The following FAM174B variants were observed in gnomAD, a reference collection of about 807,000 sequenced individuals.
The protein encoded by FAM174B is family with sequence similarity 174 member B.
A neutral mutation model predicts 10.9 loss-of-function variants in FAM174B; 12 were observed. That is an observed-to-expected ratio of 1.10 (90% CI 0.71 to 1.79). FAM174B has a LOEUF of 1.79. Among genes scored for constraint, FAM174B ranks in the 40% most tolerant of loss-of-function variants. FAM174B has a pLI of 0.00. For missense variants in FAM174B, 266 were observed against 233.3 expected, an observed-to-expected ratio of 1.14 and a Z score of -0.91; for synonymous variants, 132 against 115.8, an observed-to-expected ratio of 1.14 and a Z score of -0.90.
At chr15:92,639,551 G>A (rs2050876792) in intron 1 of FAM174B, among the ~76,000 whole-genome samples, 2 of 152,314 alleles carry the variant, frequency 1.3e-5, no homozygotes, top group African/African-American at 4.8e-5. Flanking sequence ...AACACAGTGT[G>A]ATAAGGTTTG....
rs923013849 is a variant in FAM174B at position 92,619,414 on chromosome 15, G to A, written c.*42C>T. 2 of 1,613,746 alleles carry A rather than the reference G, an allele frequency of 1.2e-6. No individual in the cohort carries two copies. Among genetic ancestry groups the A allele is most frequent in the Non-Finnish European group, 1.7e-6 (2 of 1,179,688 alleles). ...GTCCTTCACACCCCAGGTTGCAGCTGACCAACTTTCCACAGGATGCCACCA... is the reference window on the plus strand; with the variant it reads ...GTCCTTCACACCCCAGGTTGCAGCTAACCAACTTTCCACAGGATGCCACCA... On this transcript the variant is annotated 3_prime_UTR_variant, in exon 3 of 3. Coordinates refer to ENST00000327355, the MANE Select transcript of FAM174B (RefSeq NM_207446.3).
rs767833285 is a variant in FAM174B, at chr15:92,655,574, G to A, written c.86C>T (p.Ala29Val). The change falls in exon 1 of 3, where the codon GCC (alanine) becomes GTC (valine). Residue 29 changes from alanine to valine, a missense_variant. By Grantham distance (64) the Ala-to-Val change is moderately conservative. Coordinates refer to ENST00000327355, the MANE Select transcript of FAM174B (RefSeq NM_207446.3). ...GGGCCACGGCGCGGAGACGGACTCG[G>A]CTCTGCTGGCGCGGGCGGCGGGAGC... ...LAAPAARASR[A>V]ESVSAPWPEP... 1 of 1,343,542 alleles carries A rather than the reference G, an allele frequency of 7.4e-7. No individual in the cohort carries two copies. 83.2% of individuals were successfully genotyped at this position (1,343,542 alleles called of 1,614,324 possible).
chr15:92,653,957 T>C (rs2050984014), intron 1 of FAM174B, among the ~76,000 whole-genome samples: 3 of 151,602 alleles, frequency 2.0e-5, no homozygotes. Context: ...AAACAGAGGA[T>C]TGAGGCCAGT....
chr15:92,636,989 G>A (rs2050860174), intron 1 of FAM174B, among the ~76,000 whole-genome samples: 1 of 152,226 alleles, frequency 6.6e-6, no homozygotes, highest in African/African-American at 2.4e-5. Flanking sequence ...CAGGTGTGCT[G>A]GTTTGCAGCC....
rs139226830 is a variant in FAM174B at position 92,646,301 on chromosome 15, T to C, written c.344+9015A>G. 2.5e-3 allele frequency among the ~76,000 whole-genome samples: 380 copies of C among 152,250 alleles called. 2 individuals are homozygous for C. Among genetic ancestry groups the C allele is most frequent in the African/African-American group, 8.3e-3 (345 of 41,556 alleles). ...CTCCTCTCACCCACTACAAATCTCC[T>C]AGTCCTCCAGCTGGAATTGGCTTCC... is the stretch of plus-strand genomic sequence containing the variant. On this transcript the variant is annotated intron_variant, in intron 1 of 2. Transcript: ENST00000327355.
chr15:92,635,579 C>CTTTTT (rs34666199), intron 1 of FAM174B, among the ~76,000 whole-genome samples: 15 of 128,248 alleles, frequency 1.2e-4, no homozygotes, highest in Admixed American at 1.6e-4. Context: ...ATATTTCTTT[C>CTTTTT]TTTTTTTTTT....
chr15:92,630,135 T>C (rs2050781000), intron 2 of FAM174B, 79 bp downstream of exon 2: 2 of 1,474,512 alleles, frequency 1.4e-6, no homozygotes, highest in Admixed American at 1.7e-5. Context: ...CAAGAACACA[T>C]GGACACCATG....
intron 2 of FAM174B, among the ~76,000 whole-genome samples, chr15:92,623,448 G>A (rs745567139): frequency 9.2e-5 from 14 of 152,142 alleles, no homozygotes; most frequent in Non-Finnish European, 1.8e-4. Flanking sequence ...TATAGGAAGT[G>A]AAGGCATATT....
At chr15:92,622,214 C>A (rs894700741) in intron 2 of FAM174B, among the ~76,000 whole-genome samples, 6 of 152,238 alleles carry the variant, frequency 3.9e-5, no homozygotes, top group African/African-American at 1.4e-4. Context: ...CACCTCACCC[C>A]CAGGTTGCTG....
intron 1 of FAM174B, among the ~76,000 whole-genome samples, chr15:92,651,707 C>A (rs2050967605): frequency 6.6e-6 from 1 of 152,220 alleles, no homozygotes; most frequent in Non-Finnish European, 1.5e-5. Flanking sequence ...AACCTTTTCA[C>A]TATCAAACAG....
rs2050693608 is a variant in FAM174B, at chr15:92,618,383, C to T, written c.*1073G>A. ...GGGTCATGTCACAGGCAAGTCCTCA[C>T]TTCACCAGCTCAGAGGTGAGCCACT... On this transcript the variant is annotated 3_prime_UTR_variant, in exon 3 of 3. Transcript: ENST00000327355. 6.6e-6 allele frequency: 1 copy of T among 152,490 alleles called. No homozygotes were observed. The highest frequency in any genetic ancestry group is 2.4e-5 in the African/African-American group (1 of 41,446). 9.4% of individuals were successfully genotyped at this position (152,490 alleles called of 1,614,324 possible).
At chr15:92,636,085 G>A (rs1332064150) in intron 1 of FAM174B, among the ~76,000 whole-genome samples, 1 of 152,176 alleles carries the variant, frequency 6.6e-6, no homozygotes, top group Non-Finnish European at 1.5e-5. Context: ...TGCATTCGAA[G>A]CCTAAAAACC....
intron 2 of FAM174B, among the ~76,000 whole-genome samples, chr15:92,629,881 T>C (rs1183880552): frequency 3.3e-5 from 5 of 152,024 alleles, no homozygotes; most frequent in Non-Finnish European, 7.4e-5. Flanking sequence ...AAGGGGGAGT[T>C]CCCCTTCATA....
rs867650244 is a variant in FAM174B at position 92,631,269 on chromosome 15, T to A, written c.345-924A>T. Among the ~76,000 whole-genome samples the A allele has an allele frequency of 1.4e-3, 11 of 7,874 alleles. 3 individuals are homozygous for A. Among genetic ancestry groups the A allele is most frequent in the African/African-American group, 8.2e-3 (11 of 1,340 alleles). 5.2% of individuals were successfully genotyped at this position (7,874 alleles called of 152,430 possible). On this transcript the variant is annotated intron_variant, in intron 1 of 2. Coordinates refer to ENST00000327355, the MANE Select transcript of FAM174B (RefSeq NM_207446.3). ...ATATTATATATAATATATTATATAT[T>A]ATATTATATATAATATATTATATAT... is the stretch of plus-strand genomic sequence containing the variant.
At chr15:92,653,078 T>C (rs1426793358) in intron 1 of FAM174B, 4 of 152,094 alleles carry the variant, frequency 2.6e-5, no homozygotes, top group Admixed American at 2.6e-4. Flanking sequence ...CTGTAAAATA[T>C]TACAAAGTCC....
chr15:92,644,491 T>C (rs2050912802), intron 1 of FAM174B, among the ~76,000 whole-genome samples: 1 of 152,024 alleles, frequency 6.6e-6, no homozygotes, highest in Non-Finnish European at 1.5e-5. Context: ...TCCAACACCA[T>C]CCAGCTCCGG....
At chr15:92,630,601 G>A (rs536932770) in intron 1 of FAM174B, among the ~76,000 whole-genome samples, 67 of 151,566 alleles carry the variant, frequency 4.4e-4, no homozygotes, top group Admixed American at 8.6e-4. Context: ...GTGAGTGACC[G>A]ACCTCGCTAA....
rs759577915 is a variant in FAM174B, at chr15:92,655,348, G to A, written c.312C>T (p.Leu104=). The A allele has an allele frequency of 5.1e-6, 8 of 1,584,088 alleles. No homozygotes were observed. Among genetic ancestry groups the A allele is most frequent in the Admixed American group, 3.5e-5 (2 of 57,410 alleles). The part of the protein sequence containing the change: ...AVIVAFAFTT[L]LIACLLLRVF... ...CGCGCAGCAGCAGGCAGGCGATGAG[G>A]AGGGTGGTAAAGGCGAACGCCACGA... The change falls in exon 1 of 3, where the codon CTC becomes CTT. Residue 104 remains leucine, a synonymous_variant. Coordinates refer to ENST00000327355, the MANE Select transcript of FAM174B (RefSeq NM_207446.3).
intron 2 of FAM174B, among the ~76,000 whole-genome samples, chr15:92,626,644 G>A (rs944828412): frequency 6.6e-6 from 1 of 152,082 alleles, no homozygotes; most frequent in Non-Finnish European, 1.5e-5. Flanking sequence ...CGATGGTCTG[G>A]AGCGGGAAAC....
Sources: allele counts gnomAD v4.1 joint callset (sites outside exome capture counted in the v4.1 genomes callset), GRCh38; gene constraint gnomAD v4.1.1; transcripts MANE v1.5; gene names NCBI Gene and HGNC (gene_info 2026-07-23, HGNC 2026-07-21).